Variants in LRRC45 observed in about 807,000 individuals in gnomAD.
LRRC45 encodes leucine rich repeat containing 45, also known as leucine-rich repeat-containing protein 45.
Under a neutral mutation model 85.4 loss-of-function variants are expected in LRRC45, and 73 were observed. The ratio of observed to expected loss-of-function variants is 0.85; its 90% CI spans 0.71 to 1.04. LRRC45 has a LOEUF of 1.04. Ranked by LOEUF, LRRC45 falls within the 50% of genes least tolerant of loss-of-function variation. The pLI is 0.00. For missense variants in LRRC45, 937 were observed against 883.3 expected, an observed-to-expected ratio of 1.06 and a Z score of -0.77; for synonymous variants, 429 against 386.0, an observed-to-expected ratio of 1.11 and a Z score of -1.31.
In LRRC45 at chr17:82,030,327, C is replaced by A; in HGVS notation, c.1677C>A (p.Ser559Arg). 1 of 1,549,380 alleles carries A rather than the reference C, an allele frequency of 6.5e-7. No individual in the cohort carries two copies. The highest frequency in any genetic ancestry group is 1.4e-5 in the African/African-American group (1 of 73,174). The change falls in exon 16 of 17, where the codon AGC becomes AGA. Residue 559 changes from serine (S) to arginine (R), a missense_variant. Physicochemically the swap from Ser to Arg is moderately radical, Grantham distance 110 (BLOSUM62 -1). Transcript: ENST00000306688. The stretch of plus-strand genomic sequence containing the variant: ...GCCTTCGTGCCTGGCAGGAGCTGAG[C>A]CTCAAGGACCAGGAAAGGGTGGCCG... ...RRLEELQQEL[S>R]LKDQERVAEV... is the part of the protein sequence containing the mutation.
chr17:82,029,241 A>AG lies in LRRC45; in HGVS notation c.1401+60dup, dbSNP rs558876338. On this transcript the variant is annotated intron_variant, in intron 13 of 16. Transcript: ENST00000306688. ...GCCTTAGTCCTGGGCTGAACAAGGC[A>AG]GGGGCCCCTGGTGTTCGCCGCCTCA... The AG allele has an allele frequency of 4.3e-4, 656 of 1,541,538 alleles. 10 individuals are homozygous for AG. In the South Asian group the frequency reaches 7.4e-3, roughly 17 times the overall value.
chr17:82,024,607 CT>C, intron 2 of LRRC45, 85 bp from the exon 3 acceptor site: 1 of 1,456,926 alleles, frequency 6.9e-7, no homozygotes, highest in South Asian at 1.3e-5. Context: ...GGCTTGTCCC[CT>C]GGCTGACCAA....
In LRRC45 at chr17:82,028,703, C is replaced by T; in HGVS notation, c.1308+20C>T. 2 of 1,602,490 alleles carry T rather than the reference C, an allele frequency of 1.2e-6. No individual in the cohort carries two copies. Among genetic ancestry groups the T allele is most frequent in the East Asian group, 2.3e-5 (1 of 44,076 alleles). On this transcript the variant is annotated intron_variant, in intron 12 of 16. Coordinates refer to ENST00000306688, the MANE Select transcript of LRRC45 (RefSeq NM_144999.4). ...AAGGAGGTGCCCTCTTCGTTGGCCT[C>T]TAATGCGCCTCAGTCTCTGGTCTTG...
rs576132261 is a variant in LRRC45 at position 82,030,544 on chromosome 17, C to A, written c.1817-65C>A. ...CAGAGAGCGGGGCTGGCCAGGTCTC[C>A]CGTGCTGAGGCCGTGCCACGGTGCG... On this transcript the variant is annotated intron_variant, in intron 16 of 16. Coordinates refer to ENST00000306688, the MANE Select transcript of LRRC45 (RefSeq NM_144999.4). The A allele has an allele frequency of 7.7e-5, 116 of 1,497,098 alleles. No homozygotes were observed. In the African/African-American group the frequency reaches 1.4e-3, roughly 18 times the overall value. The allele number at this position is 1,497,098 out of a possible 1,614,324, so 92.7% of individuals were successfully genotyped here.
intron 12 of LRRC45, 181 bp from the exon 13 acceptor site, chr17:82,028,912 A>G: frequency 1.4e-6 from 1 of 715,506 alleles, no homozygotes; most frequent in Non-Finnish European, 2.3e-6. Flanking sequence ...AGAGACACCA[A>G]GGCCCACTCG....
intron 7 of LRRC45, 46 bp downstream of exon 7, chr17:82,027,490 G>A (rs2043378942): frequency 6.2e-7 from 1 of 1,611,210 alleles, no homozygotes; most frequent in African/African-American, 1.3e-5. Flanking sequence ...CAGGGATCAG[G>A]TCCTGGCTCA....
Position 82,030,091 on chromosome 17 carries a change from C to A in LRRC45, c.1521C>A (p.Asp507Glu), listed in dbSNP as rs2043404075. 1 of 1,546,460 alleles carries A rather than the reference C, an allele frequency of 6.5e-7. No individual in the cohort carries two copies. ...AACAGCGCCTGGCTCACCTGGAGGA[C>A]AAGCTGAGACTGCTGGCGCAGGCAC... ...EEQQRLAHLE[D>E]KLRLLAQARD... is the part of the protein sequence containing the mutation. The change falls in exon 15 of 17, where the codon GAC becomes GAA. Residue 507 changes from aspartate to glutamate, a missense_variant. Asp to Glu is a conservative substitution (Grantham distance 45, BLOSUM62 2). Transcript: ENST00000306688.
intron 6 of LRRC45, 110 bp downstream of exon 6, chr17:82,027,121 T>G: frequency 9.8e-7 from 1 of 1,024,586 alleles, no homozygotes; most frequent in South Asian, 1.4e-5. Flanking sequence ...CTCGGGGCCC[T>G]GGAGCCTCTC....
intron 1 of LRRC45, 123 bp downstream of exon 1, chr17:82,023,986 G>A: frequency 1.0e-6 from 1 of 964,896 alleles, no homozygotes; most frequent in Non-Finnish European, 1.5e-6. Flanking sequence ...AGCGAGCAGG[G>A]GCGCCCCTTC....
At position 82,023,878 on chromosome 17, in the gene LRRC45, C is replaced by T. The variant is rs754028043; in HGVS notation, c.220+15C>T. ...CAGCGAGGAAGGTGGGCAGGCGCGG[C>T]GGGGTGGATCCCTCTGCTCCTTAGC... On this transcript the variant is annotated intron_variant, in intron 1 of 16. Coordinates refer to ENST00000306688, the MANE Select transcript of LRRC45 (RefSeq NM_144999.4). 3.2e-6 allele frequency: 5 copies of T among 1,545,680 alleles called. No individual in the cohort carries two copies. The highest frequency in any genetic ancestry group is 1.2e-5 in the South Asian group (1 of 84,038).
At chr17:82,026,623 A>C (rs1359838377) in intron 5 of LRRC45, among the ~76,000 whole-genome samples, 2 of 149,626 alleles carry the variant, frequency 1.3e-5, no homozygotes, top group Non-Finnish European at 3.0e-5. Flanking sequence ...TCAGTCACCC[A>C]GGCTGGAGTG....
chr17:82,027,060 C>T, intron 6 of LRRC45, 49 bp downstream of exon 6: 1 of 1,445,470 alleles, frequency 6.9e-7, no homozygotes. Flanking sequence ...GGCTGGAGGG[C>T]CTGGCCACGT....
intron 15 of LRRC45, 22 bp from the exon 16 acceptor site, chr17:82,030,297 C>T: frequency 4.5e-6 from 7 of 1,546,566 alleles, no homozygotes; most frequent in Non-Finnish European, 6.1e-6. Flanking sequence ...TCGCCTCACT[C>T]CCCAGCCTTC....
chr17:82,025,164 C>T lies in LRRC45; in HGVS notation c.518C>T (p.Thr173Ile), dbSNP rs760826036. The change falls in exon 4 of 17, where the codon ACC becomes ATC. Residue 173 changes from threonine (T) to isoleucine (I), a missense_variant. Transcript: ENST00000306688. ...GCCCTAGCCCTGAAGGGCAACACCA[C>T]CCTCCAGCAGCTGGGTGAGGCCTCC... ...ELALALKGNT[T>I]LQQLDLRWNN... The T allele has an allele frequency of 3.1e-6, 5 of 1,598,654 alleles. No homozygotes were observed. The African/African-American group carries it at 6.7e-5, about 21-fold the overall frequency.
chr17:82,028,856 G>A lies in LRRC45; in HGVS notation c.1308+173G>A, dbSNP rs61233375. 4.3e-3 allele frequency: 3,504 copies of A among 821,448 alleles called. 99 individuals are homozygous for A. The African/African-American group carries it at 0.055, about 13-fold the overall frequency. 50.9% of individuals were successfully genotyped at this position (821,448 alleles called of 1,614,324 possible). On this transcript the variant is annotated intron_variant, in intron 12 of 16. Transcript: ENST00000306688. ...CCCAGAACCTCCTATTGGGGGCGGC[G>A]GGGGGACCCCGGCAATGTCTGAGCC...
rs1190427803 is a variant in LRRC45 at position 82,031,124 on chromosome 17, A to G, written c.*319A>G. On this transcript the variant is annotated 3_prime_UTR_variant, in exon 17 of 17. Coordinates refer to ENST00000306688, the MANE Select transcript of LRRC45 (RefSeq NM_144999.4). ...GCCGCCTGCGCGCGGCGGGGTTTGG[A>G]AATACAGCGCGTTTGCACTTTGTGA... 1.5e-5 allele frequency: 5 copies of G among 322,648 alleles called. No homozygotes were observed. The East Asian group carries it at 2.3e-4, about 15-fold the overall frequency. 20.0% of individuals were successfully genotyped at this position (322,648 alleles called of 1,614,324 possible).
chr17:82,029,540 C>T lies in LRRC45; in HGVS notation c.1402-3C>T. ...ACGGGCTGGCAGGTGGCCATCTGTG[C>T]AGGAGCTGAGCCGAGTGAAAGCAGC... On this transcript the variant is annotated splice_polypyrimidine_tract_variant and splice_region_variant and intron_variant, in intron 13 of 16. Coordinates refer to ENST00000306688, the MANE Select transcript of LRRC45 (RefSeq NM_144999.4). 1.9e-6 allele frequency: 3 copies of T among 1,564,720 alleles called. No individual in the cohort carries two copies. The highest frequency in any genetic ancestry group is 2.4e-5 in the East Asian group (1 of 41,646).
chr17:82,027,267 TG>T, intron 6 of LRRC45, 118 bp from the exon 7 acceptor site: 1 of 1,282,186 alleles, frequency 7.8e-7, no homozygotes, highest in Non-Finnish European at 1.1e-6. Context: ...CAGGGCACCG[TG>T]GGTGGAACCC....
rs745322891 is a variant in LRRC45, at chr17:82,026,926, G to A, written c.689G>A (p.Arg230Gln). Reference sequence around the variant, plus strand: ...CAAGCCATGGGCCACAGCCAGGACCGGCTCACCACCTTCCAGGAGAACCAA... The same window carrying A: ...CAAGCCATGGGCCACAGCCAGGACCAGCTCACCACCTTCCAGGAGAACCAA... The part of the protein sequence containing the change: ...VEQAMGHSQD[R>Q]LTTFQENQAR... The change falls in exon 6 of 17, where the codon CGG becomes CAG. Residue 230 changes from arginine (R) to glutamine (Q), a missense_variant. Physicochemically the swap from Arg to Gln is conservative, Grantham distance 43. Coordinates refer to ENST00000306688, the MANE Select transcript of LRRC45 (RefSeq NM_144999.4). 3.2e-5 allele frequency: 51 copies of A among 1,607,162 alleles called. No individual in the cohort carries two copies. Among genetic ancestry groups the A allele is most frequent in the African/African-American group, 3.1e-4 (23 of 74,866 alleles).
Sources: gnomAD v4.1 joint callset for allele counts (sites outside exome capture counted in the v4.1 genomes callset) on GRCh38, gnomAD v4.1.1 for gene constraint, MANE v1.5 for transcripts, NCBI Gene and HGNC (gene_info 2026-07-23, HGNC 2026-07-21) for gene names.